Variants in AFTPH observed in about 807,000 individuals in gnomAD.
AFTPH encodes the protein aftiphilin.
Under a neutral mutation model 72.5 loss-of-function variants are expected in AFTPH, and 7 were observed. The observed-to-expected ratio is 0.10, with a 90% CI of 0.05 to 0.18. AFTPH has a LOEUF of 0.18. Ranked by LOEUF, AFTPH falls within the 10% of genes least tolerant of loss-of-function variation. The pLI is 1.00. For missense variants in AFTPH, 979 were observed against 1,060.5 expected (o/e 0.92, Z 1.07); for synonymous variants, 337 against 370.1 (o/e 0.91, Z 1.03).
intron 1 of AFTPH, among the ~76,000 whole-genome samples, chr2:64,525,356 G>A (rs1669193770): frequency 6.6e-6 from 1 of 152,192 alleles, no homozygotes; most frequent in Admixed American, 6.5e-5. Flanking sequence ...AAGTAATGGG[G>A]ATAGCAAGGT....
intron 2 of AFTPH, among the ~76,000 whole-genome samples, chr2:64,554,576 G>A (rs1220160367): frequency 6.6e-6 from 1 of 152,210 alleles, no homozygotes; most frequent in African/African-American, 2.4e-5. Flanking sequence ...CTTTGAGACA[G>A]TAAGATATTA....
intron 2 of AFTPH, among the ~76,000 whole-genome samples, chr2:64,559,374 G>GCAT (rs1333012562): frequency 6.6e-6 from 1 of 152,138 alleles, no homozygotes; most frequent in Non-Finnish European, 1.5e-5. Flanking sequence ...AAGCCACAGT[G>GCAT]CATAAGCTGG....
At chr2:64,537,683 G>A (rs912223872) in intron 1 of AFTPH, among the ~76,000 whole-genome samples, 1 of 152,126 alleles carries the variant, frequency 6.6e-6, no homozygotes, top group Non-Finnish European at 1.5e-5. Flanking sequence ...TTTTTAAAAT[G>A]TTATCCTTAA....
chr2:64,566,865 GTAT>G (rs1450927404), intron 2 of AFTPH, among the ~76,000 whole-genome samples: 1 of 151,800 alleles, frequency 6.6e-6, no homozygotes, highest in Non-Finnish European at 1.5e-5. Context: ...AGGTAGTGTA[GTAT>G]TCTATTCAAA....
chr2:64,543,044 TC>T (rs1670353155), intron 1 of AFTPH, among the ~76,000 whole-genome samples: 1 of 152,234 alleles, frequency 6.6e-6, no homozygotes, highest in Non-Finnish European at 1.5e-5. Flanking sequence ...TTTCTCCACA[TC>T]CTTACCAAAA....
At chr2:64,551,655 C>T (rs1317650009) in exon 2 of AFTPH, 2 of 1,613,930 alleles carry the variant, frequency 1.2e-6, no homozygotes, top group East Asian at 2.2e-5. Flanking sequence ...AGAGTTTGTA[C>T]CTTCAAACCA....
At chr2:64,560,871 T>C (rs574186091) in intron 2 of AFTPH, among the ~76,000 whole-genome samples, 4 of 152,138 alleles carry the variant, frequency 2.6e-5, no homozygotes, top group Non-Finnish European at 2.9e-5. Context: ...AAACTCCATC[T>C]TGGGGGAGGA....
At chr2:64,572,537 C>T (rs1320012268) in intron 5 of AFTPH, among the ~76,000 whole-genome samples, 1 of 152,196 alleles carries the variant, frequency 6.6e-6, no homozygotes, top group Non-Finnish European at 1.5e-5. Flanking sequence ...TGTCTCCCCC[C>T]ACCCATCCCG....
At chr2:64,569,918 TA>T (rs1215536013) in intron 5 of AFTPH, among the ~76,000 whole-genome samples, 52 of 152,280 alleles carry the variant, frequency 3.4e-4, no homozygotes, top group African/African-American at 1.3e-3. Flanking sequence ...TTAGTAATAT[TA>T]GCATATATAA....
At chr2:64,573,099 TTATGCGTGTA>T in intron 6 of AFTPH, 31 bp downstream of exon 6, 1 of 1,554,676 alleles carries the variant, frequency 6.4e-7, no homozygotes, top group Non-Finnish European at 8.9e-7. Flanking sequence ...ATAAATATGT[TTATGCGTGTA>T]TATACACATA....
At chr2:64,534,412 A>C (rs1185211904) in intron 1 of AFTPH, among the ~76,000 whole-genome samples, 1 of 152,196 alleles carries the variant, frequency 6.6e-6, no homozygotes, top group Non-Finnish European at 1.5e-5. Flanking sequence ...TCAAAAATTC[A>C]TATTTTCTCT....
intron 8 of AFTPH, among the ~76,000 whole-genome samples, chr2:64,586,151 A>G (rs960767476): frequency 6.6e-6 from 1 of 152,210 alleles, no homozygotes; most frequent in Non-Finnish European, 1.5e-5. Context: ...TTAGTTTCAT[A>G]TGATTAGGCT....
intron 1 of AFTPH, among the ~76,000 whole-genome samples, chr2:64,536,983 A>T (rs2103833932): frequency 6.7e-6 from 1 of 149,736 alleles, no homozygotes; most frequent in South Asian, 2.1e-4. Context: ...AAAGAAGAAG[A>T]AGAAGAATGC....
exon 2 of AFTPH, chr2:64,552,791 C>A (rs943446351): frequency 3.1e-6 from 5 of 1,614,174 alleles, no homozygotes; most frequent in Non-Finnish European, 4.2e-6. Flanking sequence ...GTGACTTTGG[C>A]TCTGCCAGTG....
chr2:64,532,311 G>C (rs1045484070), intron 1 of AFTPH, among the ~76,000 whole-genome samples: 3 of 152,112 alleles, frequency 2.0e-5, no homozygotes, highest in Non-Finnish European at 4.4e-5. Flanking sequence ...GGAGAGAGAG[G>C]AATGGTTTAA....
intron 5 of AFTPH, among the ~76,000 whole-genome samples, chr2:64,572,642 T>C (rs1385905274): frequency 6.6e-6 from 1 of 152,186 alleles, no homozygotes; most frequent in Non-Finnish European, 1.5e-5. Context: ...CTTTTGATTC[T>C]AAAGGTATTA....
At chr2:64,559,933 G>A (rs567045539) in intron 2 of AFTPH, among the ~76,000 whole-genome samples, 5 of 152,126 alleles carry the variant, frequency 3.3e-5, no homozygotes, top group Admixed American at 1.3e-4. Flanking sequence ...CCAACTCCTG[G>A]GCTCAAGCAA....
At chr2:64,561,320 A>G (rs1263839866) in intron 2 of AFTPH, among the ~76,000 whole-genome samples, 2 of 152,186 alleles carry the variant, frequency 1.3e-5, no homozygotes, top group African/African-American at 2.4e-5. Flanking sequence ...TTTATTCCAT[A>G]TTCAAGGGAA....
chr2:64,524,354 TGGG>T (rs1669112789), exon 1 of AFTPH: 1 of 400,170 alleles, frequency 2.5e-6, no homozygotes, highest in Non-Finnish European at 4.4e-6. Flanking sequence ...GTGTGTGGAG[TGGG>T]CGGGGGGTCT....
Sources: gnomAD v4.1 joint callset for allele counts (sites outside exome capture counted in the v4.1 genomes callset) on GRCh38, gnomAD v4.1.1 for gene constraint, MANE v1.5 for transcripts, NCBI Gene and HGNC (gene_info 2026-07-23, HGNC 2026-07-21) for gene names.